The following TRPC5 variants were observed in gnomAD, a reference collection of about 807,000 sequenced individuals.
TRPC5 encodes transient receptor potential cation channel subfamily C member 5.
Under a neutral mutation model 56.5 loss-of-function variants are expected in TRPC5, and 9 were observed. The ratio of observed to expected loss-of-function variants is 0.16; its 90% CI spans 0.10 to 0.28. TRPC5 has a LOEUF of 0.28. TRPC5 is among the 10% of genes least tolerant of loss of function. The pLI, the probability that TRPC5 is intolerant of heterozygous loss-of-function variation, is 1.00. For synonymous variants in TRPC5, 282 were observed against 278.5 expected (o/e 1.01, Z -0.13); for missense variants, 469 against 748.9 (o/e 0.63, Z 4.36).
intron 7 of TRPC5, among the ~76,000 whole-genome samples, chrX:111,786,361 A>G (rs1603026852): frequency 9.0e-6 from 1 of 111,326 alleles, no homozygotes; most frequent in African/African-American, 3.3e-5. Context: ...AGACAAGCAA[A>G]TGCTGAGAGA....
chrX:111,954,203 G>C (rs753461366), intron 1 of TRPC5, among the ~76,000 whole-genome samples: 48 of 112,254 alleles, frequency 4.3e-4, no homozygotes, highest in Admixed American at 1.2e-3. Flanking sequence ...AAAAATGAGT[G>C]GGGGAGAGAA....
chrX:111,969,617 T>G (rs910145778), intron 1 of TRPC5, among the ~76,000 whole-genome samples: 1 of 111,937 alleles, frequency 8.9e-6, no homozygotes, highest in African/African-American at 3.2e-5. Flanking sequence ...CTTGAGCTGA[T>G]TTTTAAAGGC....
intron 7 of TRPC5, among the ~76,000 whole-genome samples, chrX:111,812,148 T>G (rs1446306840): frequency 9.0e-6 from 1 of 110,708 alleles, no homozygotes; most frequent in African/African-American, 3.3e-5. Flanking sequence ...TGAGTTTAGC[T>G]TTTTGTTTGT....
chrX:111,906,598 A>G (rs1337530989), intron 3 of TRPC5, among the ~76,000 whole-genome samples: 2 of 111,635 alleles, frequency 1.8e-5, no homozygotes, highest in African/African-American at 6.5e-5. Flanking sequence ...ATGAAGAAAA[A>G]AAATGTTCTG....
intron 3 of TRPC5, among the ~76,000 whole-genome samples, chrX:111,874,640 GAC>G (rs1191813359): frequency 8.9e-6 from 1 of 111,836 alleles, no homozygotes; most frequent in Admixed American, 9.4e-5. Context: ...AAGAAACTGA[GAC>G]ACAGAGAGAC....
intron 1 of TRPC5, among the ~76,000 whole-genome samples, chrX:112,007,092 G>A (rs1928864802): frequency 9.0e-6 from 1 of 110,827 alleles, no homozygotes; most frequent in African/African-American, 3.3e-5. Context: ...GTCTAGGACT[G>A]GGGTGGTGGT....
intron 1 of TRPC5, among the ~76,000 whole-genome samples, chrX:111,955,462 AG>A (rs1307406132): frequency 8.9e-6 from 1 of 112,202 alleles, no homozygotes; most frequent in Non-Finnish European, 1.9e-5. Context: ...TGGAGGGTAA[AG>A]GAGAGGTCTG....
At chrX:111,781,597 G>A (rs1049082759) in intron 8 of TRPC5, among the ~76,000 whole-genome samples, 3 of 112,139 alleles carry the variant, frequency 2.7e-5, no homozygotes, top group East Asian at 2.8e-4. Flanking sequence ...GGTGGTGCTC[G>A]TCTGTAATCC....
chrX:111,950,324 CAA>C (rs759300275), intron 2 of TRPC5, among the ~76,000 whole-genome samples: 1 of 94,676 alleles, frequency 1.1e-5, no homozygotes, highest in Non-Finnish European at 2.1e-5. Context: ...GACTCCATCT[CAA>C]AAAAAAAAAA....
intron 1 of TRPC5, among the ~76,000 whole-genome samples, chrX:112,018,172 A>G (rs929805994): frequency 6.8e-4 from 77 of 112,512 alleles, no homozygotes; most frequent in African/African-American, 2.4e-3. Context: ...TTATATTTCT[A>G]CTGGACCACA....
intron 1 of TRPC5, among the ~76,000 whole-genome samples, chrX:111,962,867 A>G (rs1927424749): frequency 8.9e-6 from 1 of 111,978 alleles, no homozygotes; most frequent in Non-Finnish European, 1.9e-5. Context: ...GCCGAATAGG[A>G]ACAGCTCCAG....
At chrX:112,067,215 A>C (rs1421959184) in intron 1 of TRPC5, among the ~76,000 whole-genome samples, 4 of 111,936 alleles carry the variant, frequency 3.6e-5, no homozygotes, top group African/African-American at 1.3e-4. Context: ...TGGAACTTGT[A>C]GGTAGATATT....
intron 1 of TRPC5, among the ~76,000 whole-genome samples, chrX:112,030,449 G>A (rs1929559377): frequency 8.9e-6 from 1 of 112,115 alleles, no homozygotes; most frequent in African/African-American, 3.2e-5. Flanking sequence ...TCCGAATCCT[G>A]GAGCCTCATA....
At chrX:111,998,725 G>A (rs1295559862) in intron 1 of TRPC5, among the ~76,000 whole-genome samples, 1 of 111,314 alleles carries the variant, frequency 9.0e-6, no homozygotes, top group Non-Finnish European at 1.9e-5. Context: ...TTAAATATGG[G>A]GTTCCACAGG....
At chrX:111,982,194 G>C (rs991193864) in intron 1 of TRPC5, among the ~76,000 whole-genome samples, 1 of 111,959 alleles carries the variant, frequency 8.9e-6, no homozygotes, top group Admixed American at 9.5e-5. Context: ...AAATTACCCA[G>C]TCTCAGGTAG....
rs149860239 is a variant in TRPC5 at position 111,793,501 on chromosome X, A to G, written c.1897-11363T>C. Among the ~76,000 whole-genome samples the G allele has an allele frequency of 9.2e-3, 1,026 of 111,987 alleles. 12 individuals carry two copies. The highest frequency in any genetic ancestry group is 0.016 in the Non-Finnish European group (873 of 53,219). ...ATTCAAATCAAAACCACAATGAGAT[A>G]CCACCTCATACCCAATAGGATGACT... On this transcript the variant is annotated intron_variant, in intron 7 of 10. Coordinates refer to ENST00000262839, the MANE Select transcript of TRPC5 (RefSeq NM_012471.3).
At chrX:111,787,195 C>A (rs1173458944) in intron 7 of TRPC5, among the ~76,000 whole-genome samples, 1 of 111,913 alleles carries the variant, frequency 8.9e-6, no homozygotes, top group Non-Finnish European at 1.9e-5. Context: ...ACAGAAATCA[C>A]AACAAACTGT....
chrX:112,037,744 T>G (rs976337836), intron 1 of TRPC5, among the ~76,000 whole-genome samples: 6 of 111,894 alleles, frequency 5.4e-5, no homozygotes, highest in African/African-American at 1.6e-4. Flanking sequence ...GGTTATGGAC[T>G]TGTCAGACAA....
intron 2 of TRPC5, among the ~76,000 whole-genome samples, chrX:111,924,954 G>A (rs923679013): frequency 8.9e-6 from 1 of 112,369 alleles, no homozygotes; most frequent in African/African-American, 3.2e-5. Flanking sequence ...CATCTGCAGG[G>A]TTAAATTTTG....
Sources: allele counts gnomAD v4.1 joint callset (sites outside exome capture counted in the v4.1 genomes callset), GRCh38; gene constraint gnomAD v4.1.1; transcripts MANE v1.5; gene names NCBI Gene and HGNC (gene_info 2026-07-23, HGNC 2026-07-21).